CSMD1: variants seen among roughly 807,000 people sequenced by gnomAD.
The protein encoded by CSMD1 is CUB and sushi domain-containing protein 1.
A neutral mutation model predicts 417.5 loss-of-function variants in CSMD1; 213 were observed. The ratio of observed to expected loss-of-function variants is 0.51; its 90% CI spans 0.46 to 0.57. The LOEUF is 0.57. CSMD1 is among the 20% of genes least tolerant of loss of function. The pLI, the probability that CSMD1 is intolerant of heterozygous loss-of-function variation, is 0.00. For synonymous variants in CSMD1, 2,862 were observed against 1,736.8 expected, an observed-to-expected ratio of 1.65 and a Z score of -16.11; for missense variants, 6,923 against 4,529.7, an observed-to-expected ratio of 1.53 and a Z score of -15.17.
chr8:3,266,247 C>A (rs1801420263), intron 26 of CSMD1, among the ~76,000 whole-genome samples: 1 of 150,782 alleles, frequency 6.6e-6, no homozygotes, highest in African/African-American at 2.4e-5. Flanking sequence ...ATCATGAAAA[C>A]CTAGACGAAA....
At chr8:3,252,113 T>A (rs534230530) in intron 26 of CSMD1, among the ~76,000 whole-genome samples, 5 of 152,318 alleles carry the variant, frequency 3.3e-5, no homozygotes, top group Non-Finnish European at 5.9e-5. Flanking sequence ...ATAGTAGTGG[T>A]GAGAGAGCGC....
intron 1 of CSMD1, among the ~76,000 whole-genome samples, chr8:4,652,097 T>C (rs993107934): frequency 6.6e-6 from 1 of 152,202 alleles, no homozygotes; most frequent in African/African-American, 2.4e-5. Context: ...CACAATTTTT[T>C]TCCAATTAAA....
At chr8:3,535,148 C>G (rs1798142319) in intron 10 of CSMD1, among the ~76,000 whole-genome samples, 1 of 151,708 alleles carries the variant, frequency 6.6e-6, no homozygotes, top group Admixed American at 6.6e-5. Flanking sequence ...GAGACAGGGT[C>G]TCACCATGGT....
At chr8:3,503,764 G>T (rs1405911905) in intron 10 of CSMD1, among the ~76,000 whole-genome samples, 1 of 152,098 alleles carries the variant, frequency 6.6e-6, no homozygotes. Flanking sequence ...CAGCCCACCT[G>T]TGGTTTCAAA....
intron 3 of CSMD1, among the ~76,000 whole-genome samples, chr8:4,093,778 T>C (rs961757907): frequency 1.3e-5 from 2 of 152,022 alleles, no homozygotes; most frequent in African/African-American, 4.8e-5. Context: ...TTGGCCAACA[T>C]GGTGAAATCC....
intron 5 of CSMD1, among the ~76,000 whole-genome samples, chr8:3,927,224 C>A (rs1809799563): frequency 1.3e-5 from 2 of 151,728 alleles, no homozygotes; most frequent in South Asian, 4.2e-4. Flanking sequence ...AAATGCTAAC[C>A]TTCTTTATAT....
At chr8:3,956,095 C>G (rs1422714441) in intron 5 of CSMD1, among the ~76,000 whole-genome samples, 3 of 152,192 alleles carry the variant, frequency 2.0e-5, no homozygotes, top group Non-Finnish European at 4.4e-5. Flanking sequence ...CGTGCTCGGC[C>G]AGGTTTCCTT....
Position 4,443,307 on chromosome 8 carries a change from CTT to C in CSMD1, c.303-23244_303-23243del, listed in dbSNP as rs779266072. ...AGTTTTGTATTCGCTAGAAAATAAA[CTT>C]AACTTATTTTAGAGAAAGTCTACCC... On this transcript the variant is annotated intron_variant, in intron 2 of 69. Coordinates refer to ENST00000635120, the MANE Select transcript of CSMD1 (RefSeq NM_033225.6). Among the ~76,000 whole-genome samples the C allele has an allele frequency of 3.3e-4, 49 of 150,508 alleles. 1 individual carries two copies. The highest frequency in any genetic ancestry group is 9.5e-4 in the African/African-American group (38 of 40,016).
At chr8:4,749,949 C>T (rs1021235527) in intron 1 of CSMD1, among the ~76,000 whole-genome samples, 7 of 151,970 alleles carry the variant, frequency 4.6e-5, no homozygotes, top group Admixed American at 3.9e-4. Flanking sequence ...CCAAGGTCTT[C>T]ATGGTTCCCT....
At chr8:4,311,184 A>G (rs149633247) in intron 3 of CSMD1, among the ~76,000 whole-genome samples, 5 of 152,322 alleles carry the variant, frequency 3.3e-5, no homozygotes, top group Admixed American at 2.0e-4. Flanking sequence ...ATTCCACCAT[A>G]AAGACACATG....
chr8:4,320,344 T>A (rs905664134), intron 3 of CSMD1, among the ~76,000 whole-genome samples: 7 of 152,176 alleles, frequency 4.6e-5, no homozygotes, highest in African/African-American at 1.4e-4. Flanking sequence ...CCACAAGTCA[T>A]CACACAAATA....
rs191762911 is a variant in CSMD1, at chr8:4,309,553, C to T, written c.415+110400G>A. Among the ~76,000 whole-genome samples, 312 of 152,198 alleles carry T rather than the reference C, an allele frequency of 2.0e-3. 3 individuals carry two copies. The highest frequency in any genetic ancestry group is 3.9e-3 in the South Asian group (19 of 4,826). ...ACAGACAAAGTATAAATCATAGGCT[C>T]ACATCAAGCAGCCAAACTCTCAGTT... On this transcript the variant is annotated intron_variant, in intron 3 of 69. Transcript: ENST00000635120.
intron 2 of CSMD1, among the ~76,000 whole-genome samples, chr8:4,550,775 T>C (rs1462802379): frequency 6.6e-6 from 1 of 152,206 alleles, no homozygotes; most frequent in Non-Finnish European, 1.5e-5. Flanking sequence ...GGAGGCAGTT[T>C]AATCATCTTT....
At chr8:3,913,620 G>A (rs1201735136) in intron 5 of CSMD1, among the ~76,000 whole-genome samples, 1 of 152,170 alleles carries the variant, frequency 6.6e-6, no homozygotes, top group African/African-American at 2.4e-5. Context: ...AATGTACTTA[G>A]GGAAGTGGTG....
intron 3 of CSMD1, among the ~76,000 whole-genome samples, chr8:4,041,004 C>CTTTT (rs1226391565): frequency 2.3e-5 from 3 of 129,802 alleles, no homozygotes; most frequent in South Asian, 2.5e-4. Context: ...TCTTTTCTTT[C>CTTTT]TTTTTTTTTT....
chr8:4,613,197 T>G (rs956893635), intron 2 of CSMD1, among the ~76,000 whole-genome samples: 1 of 152,050 alleles, frequency 6.6e-6, no homozygotes, highest in Non-Finnish European at 1.5e-5. Context: ...TAATGTCCAG[T>G]TGGTAAGAGA....
chr8:3,207,140 T>G (rs917035230), intron 30 of CSMD1, among the ~76,000 whole-genome samples: 98 of 135,706 alleles, frequency 7.2e-4, no homozygotes, highest in Non-Finnish European at 1.3e-3. Flanking sequence ...TTCTTTTTTT[T>G]TTTTCATTTT....
intron 5 of CSMD1, among the ~76,000 whole-genome samples, chr8:3,791,236 T>C (rs80026811): frequency 0.012 from 1,857 of 152,308 alleles, 42 homozygotes; most frequent in African/African-American, 0.042. Flanking sequence ...AAAATGCTTT[T>C]AGAGATTCTA....
At chr8:3,481,619 G>T (rs1212024673) in intron 11 of CSMD1, among the ~76,000 whole-genome samples, 1 of 152,180 alleles carries the variant, frequency 6.6e-6, no homozygotes, top group East Asian at 1.9e-4. Context: ...GTGGGGGATT[G>T]TCCTGAATGA....
Sources: gnomAD v4.1 joint callset for allele counts (sites outside exome capture counted in the v4.1 genomes callset) on GRCh38, gnomAD v4.1.1 for gene constraint, MANE v1.5 for transcripts, NCBI Gene and HGNC (gene_info 2026-07-23, HGNC 2026-07-21) for gene names.